The following ZNF804B variants were observed in gnomAD, a reference collection of about 807,000 sequenced individuals.
ZNF804B encodes the protein zinc finger protein 804B, also known as zinc finger 804B.
A neutral mutation model predicts 101.4 loss-of-function variants in ZNF804B; 80 were observed. That is an observed-to-expected ratio of 0.79 (90% CI 0.66 to 0.95). ZNF804B has a LOEUF of 0.95. ZNF804B is among the 40% of genes least tolerant of loss of function. The pLI, the probability that ZNF804B is intolerant of heterozygous loss-of-function variation, is 0.00. For synonymous variants in ZNF804B, 622 were observed against 558.8 expected (o/e 1.11, Z -1.59); for missense variants, 1,673 against 1,561.9 (o/e 1.07, Z -1.20).
intron 1 of ZNF804B, among the ~76,000 whole-genome samples, chr7:88,852,586 G>A (rs559309539): frequency 5.3e-5 from 8 of 152,028 alleles, no homozygotes; most frequent in Non-Finnish European, 7.4e-5. Context: ...GCTGACTTAT[G>A]CCCTCTTCAT....
rs1583976488 is a variant in ZNF804B at position 89,083,705 on chromosome 7, A to G, written c.109-134450A>G. On this transcript the variant is annotated intron_variant, in intron 1 of 3. Coordinates refer to ENST00000333190, the MANE Select transcript of ZNF804B (RefSeq NM_181646.5). ...ACTTAAGTACAATAATAAAAGTGAA[A>G]CATATTGAGACCGTTAAACTTTGAA... Among the ~76,000 whole-genome samples the G allele has an allele frequency of 2.0e-5, 3 of 151,912 alleles. No individual in the cohort carries two copies. The East Asian group carries it at 5.8e-4, about 29-fold the overall frequency.
chr7:88,881,533 C>T (rs902905828), intron 1 of ZNF804B, among the ~76,000 whole-genome samples: 1 of 152,170 alleles, frequency 6.6e-6, no homozygotes, highest in Non-Finnish European at 1.5e-5. Context: ...TAAAGTTCTT[C>T]AGTCCAAGAC....
chr7:88,828,644 A>G (rs1791083361), intron 1 of ZNF804B, among the ~76,000 whole-genome samples: 2 of 152,126 alleles, frequency 1.3e-5, no homozygotes, highest in African/African-American at 4.8e-5. Context: ...CTTGAAACCT[A>G]TTGGGTTTTC....
Position 89,298,218 on chromosome 7 carries a change from A to ATG in ZNF804B, c.250-29125_250-29124insGT, listed in dbSNP as rs1307860376. ...ATCTATATAGTGTGTGTGTGTGTGTATATATATATATATATATATATATAT... is the reference window on the plus strand; with the variant it reads ...ATCTATATAGTGTGTGTGTGTGTGTATGTATATATATATATATATATATATAT... On this transcript the variant is annotated intron_variant, in intron 2 of 3. Coordinates refer to ENST00000333190, the MANE Select transcript of ZNF804B (RefSeq NM_181646.5). 2.9e-3 allele frequency among the ~76,000 whole-genome samples: 117 copies of ATG among 40,050 alleles called. 2 individuals are homozygous for ATG. The highest frequency in any genetic ancestry group is 6.2e-3 in the Admixed American group (26 of 4,182). 26.3% of individuals were successfully genotyped at this position (40,050 alleles called of 152,430 possible). A position where few individuals can be genotyped will look rare whatever the true frequency, so the allele number is the denominator to read the frequency against.
intron 2 of ZNF804B, among the ~76,000 whole-genome samples, chr7:89,278,087 T>G (rs2115859030): frequency 6.6e-6 from 1 of 152,362 alleles, no homozygotes; most frequent in African/African-American, 2.4e-5. Flanking sequence ...GATTTGCATT[T>G]CTCTGATGGC....
chr7:89,131,935 A>G (rs560190490), intron 1 of ZNF804B, among the ~76,000 whole-genome samples: 1 of 152,108 alleles, frequency 6.6e-6, no homozygotes, highest in Admixed American at 6.6e-5. Flanking sequence ...TTGTACATGA[A>G]TAACTAAATG....
At chr7:88,772,177 C>T (rs1047589916) in intron 1 of ZNF804B, among the ~76,000 whole-genome samples, 8 of 152,178 alleles carry the variant, frequency 5.3e-5, no homozygotes, top group South Asian at 2.1e-4. Context: ...ACATACTATA[C>T]GTTTAGGAAG....
intron 2 of ZNF804B, among the ~76,000 whole-genome samples, chr7:89,282,900 A>G (rs1304462575): frequency 6.6e-6 from 1 of 152,140 alleles, no homozygotes; most frequent in Non-Finnish European, 1.5e-5. Flanking sequence ...TCTTGATTTG[A>G]GCCCAGTGAA....
At chr7:88,834,283 A>G (rs527555033) in intron 1 of ZNF804B, among the ~76,000 whole-genome samples, 15 of 151,962 alleles carry the variant, frequency 9.9e-5, no homozygotes, top group African/African-American at 3.6e-4. Flanking sequence ...ATTGCGAATT[A>G]TTTTTGAATT....
chr7:89,028,468 A>G (rs1375855223), intron 1 of ZNF804B, among the ~76,000 whole-genome samples: 5 of 152,158 alleles, frequency 3.3e-5, no homozygotes, highest in African/African-American at 1.2e-4. Context: ...ACTGTGTGCA[A>G]TTATAAAATA....
intron 1 of ZNF804B, among the ~76,000 whole-genome samples, chr7:89,044,324 A>C (rs779893099): frequency 1.3e-5 from 2 of 152,202 alleles, no homozygotes; most frequent in Admixed American, 1.3e-4. Flanking sequence ...TGAGTCAATT[A>C]ATCATCTTTC....
At chr7:89,055,483 G>T (rs1294974727) in intron 1 of ZNF804B, among the ~76,000 whole-genome samples, 4 of 152,054 alleles carry the variant, frequency 2.6e-5, no homozygotes, top group African/African-American at 9.7e-5. Flanking sequence ...AGTAATATTT[G>T]TGGGCCTAGC....
chr7:89,303,599 G>C (rs1790516585), intron 2 of ZNF804B, among the ~76,000 whole-genome samples: 1 of 151,924 alleles, frequency 6.6e-6, no homozygotes, highest in Non-Finnish European at 1.5e-5. Context: ...TCAGGATGTA[G>C]ATGCAAATAG....
intron 2 of ZNF804B, among the ~76,000 whole-genome samples, chr7:89,318,749 A>G (rs571473101): frequency 2.4e-4 from 36 of 152,280 alleles, no homozygotes; most frequent in African/African-American, 8.7e-4. Context: ...GTGACAGAGC[A>G]AGACTCCATT....
chr7:88,781,837 C>T (rs1263099662), intron 1 of ZNF804B, among the ~76,000 whole-genome samples: 1 of 151,960 alleles, frequency 6.6e-6, no homozygotes, highest in Non-Finnish European at 1.5e-5. Context: ...CTCTTATTAG[C>T]TTCAAGAGAC....
chr7:89,194,919 A>G (rs1335851732), intron 1 of ZNF804B, among the ~76,000 whole-genome samples: 2 of 152,084 alleles, frequency 1.3e-5, no homozygotes, highest in East Asian at 3.9e-4. Context: ...GGCCATTTTC[A>G]TGATATTGAT....
intron 1 of ZNF804B, among the ~76,000 whole-genome samples, chr7:89,163,641 C>T (rs985036790): frequency 1.3e-5 from 2 of 151,602 alleles, no homozygotes; most frequent in African/African-American, 2.4e-5. Context: ...GCAGTTATAA[C>T]GGAAACAGCA....
At chr7:89,291,130 T>C (rs1229178869) in intron 2 of ZNF804B, among the ~76,000 whole-genome samples, 1 of 152,146 alleles carries the variant, frequency 6.6e-6, no homozygotes, top group Non-Finnish European at 1.5e-5. Context: ...CCAAGTCCTG[T>C]CAAATACCTG....
intron 1 of ZNF804B, among the ~76,000 whole-genome samples, chr7:89,177,817 C>T (rs1791344643): frequency 6.6e-6 from 1 of 151,898 alleles, no homozygotes; most frequent in Non-Finnish European, 1.5e-5. Context: ...CTTTTGGAGG[C>T]CAAGGCGGGC....
Sources: gnomAD v4.1 joint callset for allele counts (sites outside exome capture counted in the v4.1 genomes callset) on GRCh38, gnomAD v4.1.1 for gene constraint, MANE v1.5 for transcripts, NCBI Gene and HGNC (gene_info 2026-07-23, HGNC 2026-07-21) for gene names.